Variants in KLHL1 observed in about 807,000 individuals in gnomAD.
KLHL1 encodes kelch-like protein 1.
In KLHL1, 47 loss-of-function variants were observed where a neutral mutation model predicts 77.7. The observed-to-expected ratio is 0.60, with a 90% CI of 0.48 to 0.77. The LOEUF is 0.77. KLHL1 is among the 30% of genes least tolerant of loss of function. The probability of loss-of-function intolerance (pLI) is 0.00; values close to 1 mark genes in which losing one functional copy is unlikely to be tolerated. For synonymous variants in KLHL1, 360 were observed against 325.2 expected, an observed-to-expected ratio of 1.11 and a Z score of -1.15; for missense variants, 925 against 910.8, an observed-to-expected ratio of 1.02 and a Z score of -0.20.
chr13:69,860,533 C>T (rs1157775289), intron 5 of KLHL1, among the ~76,000 whole-genome samples: 1 of 151,888 alleles, frequency 6.6e-6, no homozygotes, highest in Non-Finnish European at 1.5e-5. Context: ...AATCCAAAGT[C>T]TTAAATATGA....
Position 70,005,832 on chromosome 13 carries a change from T to A in KLHL1, c.498-30030A>T, listed in dbSNP as rs1441565. 6.3e-3 allele frequency among the ~76,000 whole-genome samples: 956 copies of A among 152,106 alleles called. 9 individuals are homozygous for A. Among genetic ancestry groups the A allele is most frequent in the African/African-American group, 0.022 (896 of 41,522 alleles). ...TAAATCAATAAAGTATTGTCATATA[T>A]TAGTAAAAATAAGAAAAATCACTGT... On this transcript the variant is annotated intron_variant, in intron 1 of 10. Transcript: ENST00000377844.
At chr13:69,776,291 T>C (rs1035755822) in intron 7 of KLHL1, among the ~76,000 whole-genome samples, 3 of 152,210 alleles carry the variant, frequency 2.0e-5, no homozygotes, top group African/African-American at 7.2e-5. Context: ...TAGAAATATT[T>C]ATACACAAAT....
At position 69,796,768 on chromosome 13, in the gene KLHL1, G is replaced by T. The variant is rs1298236136; in HGVS notation, c.1609C>A (p.Pro537Thr). 1 of 1,613,338 alleles carries T rather than the reference G, an allele frequency of 6.2e-7. No homozygotes were observed. The highest frequency in any genetic ancestry group is 1.7e-5 in the Admixed American group (1 of 60,024). The stretch of plus-strand genomic sequence containing the variant: ...CCATGTCTGTGTGTTGACATTGGTG[G>T]TAAGACAGTCCATGTCTTGGTTTTG... Reference protein sequence around the residue: ...NPKTKTWTVLPPMSTHRHGLG... With the variant: ...NPKTKTWTVLTPMSTHRHGLG... The change falls in exon 7 of 11, where the codon CCA becomes ACA. Residue 537 changes from proline to threonine, a missense_variant. Physicochemically the swap from Pro to Thr is conservative, Grantham distance 38. Transcript: ENST00000377844.
intron 4 of KLHL1, among the ~76,000 whole-genome samples, chr13:69,909,788 A>T (rs1882175202): frequency 6.6e-6 from 1 of 152,102 alleles, no homozygotes; most frequent in Admixed American, 6.6e-5. Context: ...AAAGCAATTT[A>T]TTATACCCCA....
chr13:69,959,188 G>A (rs901731943), intron 3 of KLHL1, among the ~76,000 whole-genome samples: 1 of 152,032 alleles, frequency 6.6e-6, no homozygotes, highest in African/African-American at 2.4e-5. Flanking sequence ...TCAGCAGGGA[G>A]CTTTGAAACA....
At position 69,739,369 on chromosome 13, in the gene KLHL1, A is replaced by G. The variant is rs371974371; in HGVS notation, c.1802+1025T>C. On this transcript the variant is annotated intron_variant, in intron 8 of 10. Transcript: ENST00000377844. ...CAAGTCTGCAAAATAACCAGACAGCATTATGATGTCAGGATCAAATTCACA... is the reference window on the plus strand; with the variant it reads ...CAAGTCTGCAAAATAACCAGACAGCGTTATGATGTCAGGATCAAATTCACA... Among the ~76,000 whole-genome samples, 23 of 152,320 alleles carry G rather than the reference A, an allele frequency of 1.5e-4. No individual in the cohort carries two copies. The East Asian group carries it at 4.4e-3, about 29-fold the overall frequency.
chr13:70,075,594 C>T lies in KLHL1; in HGVS notation c.497+31609G>A, dbSNP rs1182240986. 8.8e-4 allele frequency among the ~76,000 whole-genome samples: 62 copies of T among 70,672 alleles called. 1 individual carries two copies. The highest frequency in any genetic ancestry group is 2.6e-3 in the African/African-American group (46 of 17,560). 46.4% of individuals were successfully genotyped at this position (70,672 alleles called of 152,430 possible). The stretch of plus-strand genomic sequence containing the variant: ...GTATATATATATATATATATACACA[C>T]ACACACATATATATAGGACTTACAT... On this transcript the variant is annotated intron_variant, in intron 1 of 10. Transcript: ENST00000377844.
rs201075630 is a variant in KLHL1 at position 69,882,249 on chromosome 13, T to C, written c.1227+34A>G. 7 of 1,415,938 alleles carry C rather than the reference T, an allele frequency of 4.9e-6. No homozygotes were observed. In the African/African-American group the frequency reaches 7.0e-5, roughly 14 times the overall value. The allele number at this position is 1,415,938 out of a possible 1,614,324, so 87.7% of individuals were successfully genotyped here. ...TTTTAATATAGGGTTTTTCAGTACATTGAATCTATTTAAACAGCGTCACAC... is the reference window on the plus strand; with the variant it reads ...TTTTAATATAGGGTTTTTCAGTACACTGAATCTATTTAAACAGCGTCACAC... On this transcript the variant is annotated intron_variant, in intron 5 of 10. Transcript: ENST00000377844.
rs1312339989 is a variant in KLHL1, at chr13:69,837,673, T to TAC, written c.1414+1302_1414+1303insGT. 5.6e-3 allele frequency among the ~76,000 whole-genome samples: 714 copies of TAC among 126,512 alleles called. 5 individuals carry two copies. The highest frequency in any genetic ancestry group is 0.016 in the African/African-American group (439 of 27,356). 83.0% of individuals were successfully genotyped at this position (126,512 alleles called of 152,430 possible). On this transcript the variant is annotated intron_variant, in intron 6 of 10. Coordinates refer to ENST00000377844, the MANE Select transcript of KLHL1 (RefSeq NM_020866.3). ...ATATATATATGTGTGTGTGTGTGTA[T>TAC]ATATATATATATATACACATATATA... is the stretch of plus-strand genomic sequence containing the variant.
intron 5 of KLHL1, among the ~76,000 whole-genome samples, chr13:69,869,038 AAGCTAACGGC>A (rs1339263317): frequency 6.6e-6 from 1 of 152,130 alleles, no homozygotes; most frequent in Non-Finnish European, 1.5e-5. Context: ...CCTGATAAGG[AAGCTAACGGC>A]AGCTAGAAAA....
At chr13:69,981,361 A>G (rs1884699443) in intron 1 of KLHL1, among the ~76,000 whole-genome samples, 1 of 152,116 alleles carries the variant, frequency 6.6e-6, no homozygotes, top group African/African-American at 2.4e-5. Context: ...AGAGTAACGA[A>G]AACGGCAAAA....
chr13:69,982,510 A>G (rs2137301158), intron 1 of KLHL1, among the ~76,000 whole-genome samples: 1 of 149,740 alleles, frequency 6.7e-6, no homozygotes, highest in East Asian at 1.9e-4. Context: ...AAAACATGTT[A>G]CTAAAGAAAA....
chr13:69,908,425 A>G (rs1249363979), intron 4 of KLHL1, among the ~76,000 whole-genome samples: 1 of 151,518 alleles, frequency 6.6e-6, no homozygotes, highest in Non-Finnish European at 1.5e-5. Flanking sequence ...TGAAATAGTT[A>G]TTCTTTCTAT....
At chr13:69,713,132 A>C (rs1875959345) in intron 9 of KLHL1, among the ~76,000 whole-genome samples, 1 of 152,144 alleles carries the variant, frequency 6.6e-6, no homozygotes, top group African/African-American at 2.4e-5. Flanking sequence ...GCCCAGCCCA[A>C]TTAATTTTTT....
chr13:69,814,958 C>G (rs755388569), intron 6 of KLHL1, among the ~76,000 whole-genome samples: 36 of 152,012 alleles, frequency 2.4e-4, no homozygotes, highest in Non-Finnish European at 3.8e-4. Context: ...TTGCAGTGAG[C>G]CGAGATCGCA....
At chr13:69,834,584 T>G (rs2138100492) in intron 6 of KLHL1, among the ~76,000 whole-genome samples, 1 of 152,252 alleles carries the variant, frequency 6.6e-6, no homozygotes, top group African/African-American at 2.4e-5. Context: ...ACTTGTCCAC[T>G]TTGGATATCC....
intron 1 of KLHL1, among the ~76,000 whole-genome samples, chr13:69,999,134 T>C (rs1885226337): frequency 6.6e-6 from 1 of 152,138 alleles, no homozygotes; most frequent in African/African-American, 2.4e-5. Context: ...ATATGTATTA[T>C]GTAGCATATG....
chr13:70,019,627 TCTATTTTAC>T, intron 1 of KLHL1, among the ~76,000 whole-genome samples: 1 of 152,170 alleles, frequency 6.6e-6, no homozygotes, highest in Non-Finnish European at 1.5e-5. Context: ...TATTACTACC[TCTATTTTAC>T]AAATGATGAA....
intron 4 of KLHL1, among the ~76,000 whole-genome samples, chr13:69,916,470 C>T (rs1882440646): frequency 6.6e-6 from 1 of 152,074 alleles, no homozygotes; most frequent in South Asian, 2.1e-4. Context: ...AACCATCATT[C>T]TCAGCAAACT....
Sources: gnomAD v4.1 joint callset for allele counts (sites outside exome capture counted in the v4.1 genomes callset) on GRCh38, gnomAD v4.1.1 for gene constraint, MANE v1.5 for transcripts, NCBI Gene and HGNC (gene_info 2026-07-23, HGNC 2026-07-21) for gene names.